SNX29: variants seen among roughly 807,000 people sequenced by gnomAD.
The protein encoded by SNX29 is sorting nexin 29.
In SNX29, 78 loss-of-function variants were observed where a neutral mutation model predicts 102.1. That is an observed-to-expected ratio of 0.76 (90% CI 0.64 to 0.92). The LOEUF (loss-of-function observed/expected upper bound fraction) is 0.92, where lower values mean the gene tolerates loss of function less well. Ranked by LOEUF, SNX29 falls within the 40% of genes least tolerant of loss-of-function variation. The pLI is 0.00. For missense variants in SNX29, 1,280 were observed against 1,061.7 expected, an observed-to-expected ratio of 1.21 and a Z score of -2.86; for synonymous variants, 580 against 414.5, an observed-to-expected ratio of 1.40 and a Z score of -4.85.
chr16:12,301,335 C>T (rs1367050604), intron 15 of SNX29, among the ~76,000 whole-genome samples: 2 of 152,230 alleles, frequency 1.3e-5, no homozygotes, highest in Non-Finnish European at 2.9e-5. Flanking sequence ...CCTTACCTGT[C>T]ACCACACTCC....
intron 20 of SNX29, among the ~76,000 whole-genome samples, chr16:12,546,964 A>AC: frequency 6.6e-6 from 1 of 152,130 alleles, no homozygotes; most frequent in Non-Finnish European, 1.5e-5. Flanking sequence ...CCCTCCATCC[A>AC]CCCATTCCTC....
intron 1 of SNX29, among the ~76,000 whole-genome samples, chr16:11,986,821 G>A (rs764607913): frequency 3.9e-5 from 6 of 152,174 alleles, no homozygotes; most frequent in Non-Finnish European, 8.8e-5. Flanking sequence ...TAGTTTGAAG[G>A]CAGCCACAGA....
intron 20 of SNX29, among the ~76,000 whole-genome samples, chr16:12,555,618 C>T (rs777175582): frequency 1.9e-4 from 29 of 151,574 alleles, no homozygotes; most frequent in Non-Finnish European, 1.3e-4. Flanking sequence ...GTCCAGTGTG[C>T]ATGCCACACC....
chr16:12,081,208 A>T (rs556943954), intron 11 of SNX29: 1 of 152,204 alleles, frequency 6.6e-6, no homozygotes, highest in South Asian at 2.1e-4. Context: ...AAGAGAGATG[A>T]GTGCTGCTTC....
chr16:12,347,531 T>G (rs2081849913), intron 15 of SNX29, among the ~76,000 whole-genome samples: 1 of 152,106 alleles, frequency 6.6e-6, no homozygotes, highest in South Asian at 2.1e-4. Context: ...ACTTGGGACA[T>G]TCGAGTCACC....
At position 12,571,581 on chromosome 16, in the gene SNX29, C is replaced by T; in HGVS notation, c.*2952C>T. 9.6e-7 allele frequency: 1 copy of T among 1,046,872 alleles called. No homozygotes were observed. Among genetic ancestry groups the T allele is most frequent in the Non-Finnish European group, 1.2e-6 (1 of 863,330 alleles). The allele number at this position is 1,046,872 out of a possible 1,614,324, so 64.8% of individuals were successfully genotyped here. ...CACCGAATCCTTCTGTCTTCATGGC[C>T]TGCTGTGCTGAAACAGAACAGCAGG... On this transcript the variant is annotated 3_prime_UTR_variant, in exon 21 of 21. Transcript: ENST00000566228.
chr16:12,001,726 A>G (rs2056294845), intron 2 of SNX29, among the ~76,000 whole-genome samples: 1 of 152,172 alleles, frequency 6.6e-6, no homozygotes, highest in South Asian at 2.1e-4. Flanking sequence ...TTTAAAAGAA[A>G]AGACAAGTAG....
At chr16:12,406,775 G>A (rs952185515) in intron 18 of SNX29, among the ~76,000 whole-genome samples, 2 of 152,192 alleles carry the variant, frequency 1.3e-5, no homozygotes, top group African/African-American at 4.8e-5. Flanking sequence ...GAGCGTTGCT[G>A]TTGCATGCCT....
intron 13 of SNX29, among the ~76,000 whole-genome samples, chr16:12,191,790 A>G (rs1228153340): frequency 6.6e-6 from 1 of 152,216 alleles, no homozygotes; most frequent in African/African-American, 2.4e-5. Context: ...AAACACCACA[A>G]AGCCAGGCGA....
intron 11 of SNX29, 64 bp downstream of exon 11, chr16:12,078,979 G>T (rs2051729374): frequency 7.2e-6 from 10 of 1,383,158 alleles, no homozygotes; most frequent in East Asian, 5.0e-5. Context: ...TCTCATGGCG[G>T]TGCCTTTGTG....
intron 14 of SNX29, among the ~76,000 whole-genome samples, chr16:12,271,557 A>G (rs1422083602): frequency 6.6e-6 from 1 of 152,114 alleles, no homozygotes; most frequent in Non-Finnish European, 1.5e-5. Flanking sequence ...GGGATTATAT[A>G]AGAATGTGAA....
chr16:12,271,626 C>CTT (rs112723702), intron 14 of SNX29, among the ~76,000 whole-genome samples: 18 of 144,678 alleles, frequency 1.2e-4, no homozygotes, highest in African/African-American at 2.0e-4. Flanking sequence ...TTGGAACCAT[C>CTT]TTTTTTTTTT....
intron 13 of SNX29, among the ~76,000 whole-genome samples, chr16:12,179,723 T>C (rs1257579928): frequency 6.6e-6 from 1 of 152,252 alleles, no homozygotes; most frequent in African/African-American, 2.4e-5. Context: ...TGTTGATGGT[T>C]ACAGTATTCC....
chr16:12,203,863 G>C (rs2076979285), intron 14 of SNX29, among the ~76,000 whole-genome samples: 2 of 152,208 alleles, frequency 1.3e-5, no homozygotes, highest in South Asian at 4.1e-4. Flanking sequence ...CATGGCTTGA[G>C]TGACTTCCCC....
intron 20 of SNX29, among the ~76,000 whole-genome samples, chr16:12,539,881 A>C (rs978234879): frequency 3.3e-5 from 5 of 152,220 alleles, no homozygotes; most frequent in African/African-American, 1.2e-4. Flanking sequence ...CTTAGAAACT[A>C]GGCTGTTTGT....
intron 15 of SNX29, among the ~76,000 whole-genome samples, chr16:12,295,661 G>C (rs979342532): frequency 1.3e-5 from 2 of 152,118 alleles, no homozygotes; most frequent in African/African-American, 4.8e-5. Flanking sequence ...ACAGTGACAA[G>C]TACTTTAGAA....
At chr16:12,562,094 C>T (rs531540118) in intron 20 of SNX29, among the ~76,000 whole-genome samples, 77 of 152,280 alleles carry the variant, frequency 5.1e-4, no homozygotes, top group African/African-American at 1.5e-3. Flanking sequence ...GTTTGAACCG[C>T]ATTTCTAAGG....
At chr16:12,289,425 T>C (rs1221525999) in intron 15 of SNX29, among the ~76,000 whole-genome samples, 1 of 152,184 alleles carries the variant, frequency 6.6e-6, no homozygotes, top group Non-Finnish European at 1.5e-5. Context: ...CTTCTAGTGT[T>C]TATCCTTGCT....
chr16:12,187,185 A>G (rs1366674424), intron 13 of SNX29, among the ~76,000 whole-genome samples: 1 of 152,152 alleles, frequency 6.6e-6, no homozygotes, highest in Non-Finnish European at 1.5e-5. Flanking sequence ...CACCATTCAC[A>G]AGATGCCCCT....
Sources: allele counts gnomAD v4.1 joint callset (sites outside exome capture counted in the v4.1 genomes callset), GRCh38; gene constraint gnomAD v4.1.1; transcripts MANE v1.5; gene names NCBI Gene and HGNC (gene_info 2026-07-23, HGNC 2026-07-21).